The following CNDP2 variants were observed in gnomAD, a reference collection of about 807,000 sequenced individuals.
CNDP2 encodes the protein carnosine dipeptidase 2.
Under a neutral mutation model 55.0 loss-of-function variants are expected in CNDP2, and 38 were observed. That is an observed-to-expected ratio of 0.69 (90% CI 0.53 to 0.90). The LOEUF is 0.90. CNDP2 is among the 40% of genes least tolerant of loss of function. CNDP2 has a pLI of 0.00. For missense variants in CNDP2, 607 were observed against 621.7 expected (o/e 0.98, Z 0.25); for synonymous variants, 241 against 260.2 (o/e 0.93, Z 0.71).
chr18:74,514,462 CTATAGGTTTATGTGGTATGGATGTAAGT>C (rs1979536415), intron 8 of CNDP2, among the ~76,000 whole-genome samples: 1 of 149,754 alleles, frequency 6.7e-6, no homozygotes, highest in Non-Finnish European at 1.5e-5. Context: ...GTTCTGCAGG[CTATAGGTTTATGTGGTATGGATGTAAGT>C]TCTGCAGCCT....
rs1568285151 is a variant in CNDP2, at chr18:74,522,214, G to T, written c.*2146G>T. On this transcript the variant is annotated 3_prime_UTR_variant, in exon 12 of 12. Transcript: ENST00000324262. ...TCATTTCAAAGTAAAAACAAAAAAA[G>T]AAGACAAGGGTAGCGGCTTCAGGTA... 4 of 152,288 alleles carry T rather than the reference G, an allele frequency of 2.6e-5. No homozygotes were observed. Among genetic ancestry groups the T allele is most frequent in the Middle Eastern group, 3.4e-3 (1 of 294 alleles). 9.4% of individuals were successfully genotyped at this position (152,288 alleles called of 1,614,324 possible). A position where few individuals can be genotyped will look rare whatever the true frequency, so the allele number is the denominator to read the frequency against.
intron 8 of CNDP2, among the ~76,000 whole-genome samples, chr18:74,514,517 CGT>C (rs1979543865): frequency 2.2e-5 from 1 of 45,668 alleles, no homozygotes; most frequent in East Asian, 8.0e-4. Flanking sequence ...TTACGTGGTA[CGT>C]ATGTAAGTTC....
At chr18:74,518,205 T>C (rs991822120) in intron 9 of CNDP2, 3 of 201,096 alleles carry the variant, frequency 1.5e-5, no homozygotes, top group South Asian at 8.8e-5. Context: ...GAGCTTGCAG[T>C]GAGCCGAGAT....
At position 74,513,546 on chromosome 18, in the gene CNDP2, C is replaced by T. The variant is rs369404607; in HGVS notation, c.743-13C>T. 70 of 1,607,396 alleles carry T rather than the reference C, an allele frequency of 4.4e-5. No individual in the cohort carries two copies. The highest frequency in any genetic ancestry group is 5.5e-5 in the Non-Finnish European group (65 of 1,177,640). ...CTCCCCTGAGTGCTGTAACCCTCTC[C>T]GGCTTCCCTCAGGCTCTTTGGTGGA... On this transcript the variant is annotated splice_polypyrimidine_tract_variant and intron_variant, in intron 7 of 11. Coordinates refer to ENST00000324262, the MANE Select transcript of CNDP2 (RefSeq NM_018235.3).
chr18:74,504,196 T>C (rs572339593), intron 3 of CNDP2, among the ~76,000 whole-genome samples: 1 of 146,792 alleles, frequency 6.8e-6, no homozygotes, highest in South Asian at 2.1e-4. Context: ...ACACTGCCAC[T>C]GGGACAAATG....
chr18:74,499,866 C>A lies in CNDP2; in HGVS notation c.-92-16C>A. On this transcript the variant is annotated splice_polypyrimidine_tract_variant and intron_variant, in intron 1 of 11. Transcript: ENST00000324262. ...GGGCAACAATTTACAATTCTGAACA[C>A]GTGCTTTCTGGGCAGGTCGCCCCTC... The A allele has an allele frequency of 1.1e-6, 1 of 916,542 alleles. No individual in the cohort carries two copies. Among genetic ancestry groups the A allele is most frequent in the Non-Finnish European group, 1.7e-6 (1 of 582,746 alleles). The allele number at this position is 916,542 out of a possible 1,614,324, so 56.8% of individuals were successfully genotyped here. A position where few individuals can be genotyped will look rare whatever the true frequency, so the allele number is the denominator to read the frequency against.
intron 3 of CNDP2, among the ~76,000 whole-genome samples, chr18:74,502,986 C>A (rs1401818125): frequency 6.6e-6 from 1 of 151,816 alleles, no homozygotes; most frequent in Admixed American, 6.6e-5. Context: ...TATAGCTTCC[C>A]ACCAATTTTC....
chr18:74,498,310 A>G (rs1202151110), intron 1 of CNDP2, among the ~76,000 whole-genome samples: 1 of 152,064 alleles, frequency 6.6e-6, no homozygotes, highest in Admixed American at 6.6e-5. Context: ...AAACCCGTAC[A>G]TGTACCTTTA....
rs1273150781 is a variant in CNDP2 at position 74,501,347 on chromosome 18, G to T, written c.79G>T (p.Ala27Ser). 1.2e-6 allele frequency: 2 copies of T among 1,612,546 alleles called. No individual in the cohort carries two copies. Among genetic ancestry groups the T allele is most frequent in the Non-Finnish European group, 1.7e-6 (2 of 1,179,464 alleles). The stretch of plus-strand genomic sequence containing the variant: ...CAAACAGAAACTCGCAAAATGGGTG[G>T]CTATCCAGAGTGTGTCTGCGTGGCC... ...RYIKKLAKWV[A>S]IQSVSAWPEK... The change falls in exon 3 of 12, where the codon GCT (alanine) becomes TCT (serine). Residue 27 changes from alanine to serine, a missense_variant. Ala to Ser is a moderately conservative substitution (Grantham distance 99). Transcript: ENST00000324262.
chr18:74,521,092 TC>T lies in CNDP2; in HGVS notation c.*1026del, dbSNP rs1416314389. 5 of 152,206 alleles carry T rather than the reference TC, an allele frequency of 3.3e-5. No homozygotes were observed. The highest frequency in any genetic ancestry group is 1.2e-4 in the African/African-American group (5 of 41,438). 9.4% of individuals were successfully genotyped at this position (152,206 alleles called of 1,614,324 possible). A position where few individuals can be genotyped will look rare whatever the true frequency, so the allele number is the denominator to read the frequency against. On this transcript the variant is annotated 3_prime_UTR_variant, in exon 12 of 12. Transcript: ENST00000324262. ...AGGATGATTTTGTCTCAGTTTGTAC[TC>T]CTAAATAAAAAGTAAACATGACACC...
intron 8 of CNDP2, among the ~76,000 whole-genome samples, chr18:74,514,556 GAT>G (rs1979550039): frequency 7.1e-6 from 1 of 140,172 alleles, no homozygotes; most frequent in Admixed American, 7.1e-5. Context: ...ATGTGGTATG[GAT>G]GTAAGTTCTG....
intron 5 of CNDP2, among the ~76,000 whole-genome samples, chr18:74,510,414 G>C (rs768333690): frequency 6.6e-6 from 1 of 152,200 alleles, no homozygotes; most frequent in Non-Finnish European, 1.5e-5. Flanking sequence ...GGCTCCTCGG[G>C]GAGAGCAGCG....
At chr18:74,503,490 G>A (rs190455361) in intron 3 of CNDP2, among the ~76,000 whole-genome samples, 11 of 152,332 alleles carry the variant, frequency 7.2e-5, no homozygotes, top group Admixed American at 4.6e-4. Flanking sequence ...GATGTTGGGC[G>A]TTTCAGAACA....
intron 2 of CNDP2, 111 bp from the exon 3 acceptor site, chr18:74,501,218 C>A: frequency 6.8e-7 from 1 of 1,476,934 alleles, no homozygotes; most frequent in Non-Finnish European, 9.0e-7. Flanking sequence ...TCAGCCTGTT[C>A]AACTGCAGCA....
At chr18:74,509,810 C>T (rs975173685) in intron 5 of CNDP2, among the ~76,000 whole-genome samples, 4 of 152,206 alleles carry the variant, frequency 2.6e-5, no homozygotes, top group African/African-American at 9.7e-5. Context: ...GCTGTATAGA[C>T]ATCTTTGCAT....
chr18:74,498,527 T>C (rs981643314), intron 1 of CNDP2, among the ~76,000 whole-genome samples: 1 of 152,172 alleles, frequency 6.6e-6, no homozygotes, highest in African/African-American at 2.4e-5. Flanking sequence ...ATAATATTAA[T>C]GAGAATGTAC....
chr18:74,501,601 A>G (rs1208869750), intron 3 of CNDP2, 129 bp downstream of exon 3: 14 of 1,238,690 alleles, frequency 1.1e-5, no homozygotes, highest in South Asian at 1.6e-5. Flanking sequence ...CAAAAAAGGA[A>G]GGGCCTGATT....
rs1980155114 is a variant in CNDP2, at chr18:74,523,281, G to T, written c.*3213G>T. 6.6e-6 allele frequency: 1 copy of T among 152,200 alleles called. No individual in the cohort carries two copies. Among genetic ancestry groups the T allele is most frequent in the South Asian group, 2.1e-4 (1 of 4,832 alleles). 9.4% of individuals were successfully genotyped at this position (152,200 alleles called of 1,614,324 possible). A position where few individuals can be genotyped will look rare whatever the true frequency, so the allele number is the denominator to read the frequency against. On this transcript the variant is annotated 3_prime_UTR_variant, in exon 12 of 12. Transcript: ENST00000324262. ...GCTGGTTCTGTGAACTTGAGCCTCAGCGTCCTGTGTCAGAAGAGCACAAAC... is the reference window on the plus strand; with the variant it reads ...GCTGGTTCTGTGAACTTGAGCCTCATCGTCCTGTGTCAGAAGAGCACAAAC...
At chr18:74,516,179 G>A in intron 8 of CNDP2, 49 bp from the exon 9 acceptor site, 1 of 1,556,282 alleles carries the variant, frequency 6.4e-7, no homozygotes. Context: ...AGCAGACAGG[G>A]CTGGCACTGA....
Sources: gnomAD v4.1 joint callset for allele counts (sites outside exome capture counted in the v4.1 genomes callset) on GRCh38, gnomAD v4.1.1 for gene constraint, MANE v1.5 for transcripts, NCBI Gene and HGNC (gene_info 2026-07-23, HGNC 2026-07-21) for gene names.